Variants in PTPRQ observed in about 807,000 individuals in gnomAD.
The protein encoded by PTPRQ is phosphatidylinositol phosphatase PTPRQ.
Under a neutral mutation model 246.0 loss-of-function variants are expected in PTPRQ, and 199 were observed. The observed-to-expected ratio is 0.81, with a 90% CI of 0.72 to 0.91. The LOEUF is 0.91. PTPRQ is among the 40% of genes least tolerant of loss of function. The pLI, the probability that PTPRQ is intolerant of heterozygous loss-of-function variation, is 0.00. For missense variants in PTPRQ, 2,624 were observed against 2,528.4 expected, an observed-to-expected ratio of 1.04 and a Z score of -0.81; for synonymous variants, 869 against 853.2, an observed-to-expected ratio of 1.02 and a Z score of -0.32.
intron 26 of PTPRQ, among the ~76,000 whole-genome samples, chr12:80,597,262 G>A (rs1202497215): frequency 1.3e-5 from 2 of 151,946 alleles, no homozygotes; most frequent in African/African-American, 4.8e-5. Context: ...GAAGAAAATA[G>A]CAAGATTTAT....
chr12:80,484,534 T>C lies in PTPRQ; in HGVS notation c.1288T>C (p.Tyr430His). ...ACAACCAAATGGAATTATTAACCAA[T>C]ACCGAGTGAAAGTGCTAGTTCCAGA... The part of the protein sequence containing the change: ...PRQPNGIINQ[Y>H]RVKVLVPETG... Residue 430 changes from tyrosine (Y) to histidine (H), a missense_variant, in exon 9 of 45, where the codon TAC (tyrosine) becomes CAC (histidine). Tyr to His is a moderately conservative substitution (Grantham distance 83, BLOSUM62 2). Coordinates refer to ENST00000644991, the MANE Select transcript of PTPRQ (RefSeq NM_001145026.2). The C allele has an allele frequency of 5.2e-6, 8 of 1,551,272 alleles. No individual in the cohort carries two copies. The highest frequency in any genetic ancestry group is 7.0e-6 in the Non-Finnish European group (8 of 1,146,830).
chr12:80,538,064 G>A (rs576988693), intron 19 of PTPRQ, among the ~76,000 whole-genome samples: 9 of 152,176 alleles, frequency 5.9e-5, no homozygotes, highest in Admixed American at 2.0e-4. Context: ...AGCCGAGATC[G>A]TGCCACTGCC....
chr12:80,591,566 A>G (rs1328222942), intron 26 of PTPRQ, among the ~76,000 whole-genome samples: 4 of 152,198 alleles, frequency 2.6e-5, no homozygotes, highest in Non-Finnish European at 4.4e-5. Context: ...GATGATAAGG[A>G]TGACGATACT....
At chr12:80,536,680 A>G (rs1466643791) in intron 19 of PTPRQ, among the ~76,000 whole-genome samples, 2 of 152,220 alleles carry the variant, frequency 1.3e-5, no homozygotes, top group Non-Finnish European at 2.9e-5. Flanking sequence ...TCTACTCTCT[A>G]TGTCACGCAG....
At chr12:80,567,424 A>G (rs1410649273) in intron 25 of PTPRQ, among the ~76,000 whole-genome samples, 2 of 152,176 alleles carry the variant, frequency 1.3e-5, no homozygotes, top group African/African-American at 4.8e-5. Context: ...GAGTTTTGAC[A>G]AGGGCATACA....
At chr12:80,488,221 T>A (rs527928621) in intron 9 of PTPRQ, among the ~76,000 whole-genome samples, 1 of 152,070 alleles carries the variant, frequency 6.6e-6, no homozygotes, top group East Asian at 1.9e-4. Context: ...ATTCTATTGG[T>A]TAGATACAAA....
At chr12:80,558,261 G>T (rs915059683) in intron 25 of PTPRQ, among the ~76,000 whole-genome samples, 1 of 151,122 alleles carries the variant, frequency 6.6e-6, no homozygotes, top group Non-Finnish European at 1.5e-5. Flanking sequence ...TCTGCCTCCC[G>T]GGTTCAAGTC....
At chr12:80,674,100 C>T (rs1197150472) in intron 43 of PTPRQ, among the ~76,000 whole-genome samples, 2 of 151,952 alleles carry the variant, frequency 1.3e-5, no homozygotes, top group Admixed American at 6.6e-5. Flanking sequence ...TGATAAGTGC[C>T]AGAGCCAAAA....
chr12:80,512,037 G>A (rs1376476101), intron 17 of PTPRQ, among the ~76,000 whole-genome samples: 1 of 152,172 alleles, frequency 6.6e-6, no homozygotes, highest in Non-Finnish European at 1.5e-5. Context: ...AGAAGTAGGT[G>A]GCTTTGAGCT....
At chr12:80,495,826 CCAA>C (rs1469564980) in intron 12 of PTPRQ, among the ~76,000 whole-genome samples, 170 bp from the exon 13 acceptor site, 2 of 151,920 alleles carry the variant, frequency 1.3e-5, no homozygotes, top group African/African-American at 4.8e-5. Context: ...CTTGAAGTCA[CCAA>C]CATGGAAAGG....
intron 14 of PTPRQ, among the ~76,000 whole-genome samples, chr12:80,497,880 T>C (rs1193476738): frequency 6.6e-6 from 1 of 152,074 alleles, no homozygotes; most frequent in African/African-American, 2.4e-5. Flanking sequence ...CAATTTCATA[T>C]AGTTCAGCCA....
chr12:80,589,731 T>G (rs1337038018), intron 26 of PTPRQ, among the ~76,000 whole-genome samples: 1 of 152,224 alleles, frequency 6.6e-6, no homozygotes, highest in Non-Finnish European at 1.5e-5. Flanking sequence ...TTTGACACAA[T>G]TGTCCAACCT....
chr12:80,473,609 A>C (rs1893723241), intron 8 of PTPRQ, among the ~76,000 whole-genome samples: 1 of 152,242 alleles, frequency 6.6e-6, no homozygotes, highest in Admixed American at 6.5e-5. Context: ...CTCAATAAAC[A>C]TATTTTTATT....
intron 39 of PTPRQ, among the ~76,000 whole-genome samples, chr12:80,664,194 A>C (rs1054255152): frequency 3.9e-5 from 6 of 151,946 alleles, no homozygotes; most frequent in African/African-American, 1.4e-4. Context: ...CAGCCTCCTA[A>C]TCTATTCAAT....
chr12:80,597,874 A>G (rs1898020961), intron 26 of PTPRQ, among the ~76,000 whole-genome samples: 1 of 151,906 alleles, frequency 6.6e-6, no homozygotes, highest in African/African-American at 2.4e-5. Flanking sequence ...CATTTTGAGG[A>G]CCACTGTTGT....
chr12:80,615,509 G>A (rs1898719389), intron 29 of PTPRQ, among the ~76,000 whole-genome samples: 1 of 151,098 alleles, frequency 6.6e-6, no homozygotes, highest in Non-Finnish European at 1.5e-5. Flanking sequence ...AGCTTCCTTA[G>A]CACAAAGTTA....
At chr12:80,599,252 A>G (rs1046249688) in intron 26 of PTPRQ, among the ~76,000 whole-genome samples, 10 of 152,034 alleles carry the variant, frequency 6.6e-5, no homozygotes, top group African/African-American at 2.2e-4. Context: ...AACCAGGGGG[A>G]AAGTGCTTAT....
At position 80,444,412 on chromosome 12, in the gene PTPRQ, C is replaced by A. The variant is rs965851282; in HGVS notation, c.54+13C>A. ...TTCAGAGACACAGGTATTTCGTATA[C>A]ACTCTTTAAAAACAAGGGCTAAGTC... On this transcript the variant is annotated intron_variant, in intron 1 of 44. Transcript: ENST00000644991. 13 of 1,407,002 alleles carry A rather than the reference C, an allele frequency of 9.2e-6. No homozygotes were observed. Among genetic ancestry groups the A allele is most frequent in the African/African-American group, 1.5e-5 (1 of 68,300 alleles). The allele number at this position is 1,407,002 out of a possible 1,614,324, so 87.2% of individuals were successfully genotyped here. A position where few individuals can be genotyped will look rare whatever the true frequency, so the allele number is the denominator to read the frequency against.
intron 8 of PTPRQ, among the ~76,000 whole-genome samples, chr12:80,480,034 C>T (rs1436108156): frequency 6.6e-6 from 1 of 152,114 alleles, no homozygotes; most frequent in African/African-American, 2.4e-5. Context: ...TAATAGACAT[C>T]TACAGAACTC....
Sources: allele counts gnomAD v4.1 joint callset (sites outside exome capture counted in the v4.1 genomes callset), GRCh38; gene constraint gnomAD v4.1.1; transcripts MANE v1.5; gene names NCBI Gene and HGNC (gene_info 2026-07-23, HGNC 2026-07-21).